Variants in THAP10 observed in about 807,000 individuals in gnomAD.
The protein encoded by THAP10 is THAP domain-containing protein 10.
Under a neutral mutation model 15.7 loss-of-function variants are expected in THAP10, and 10 were observed. The ratio of observed to expected loss-of-function variants is 0.64; its 90% confidence interval spans 0.39 to 1.08. The LOEUF (loss-of-function observed/expected upper bound fraction) is 1.08, where lower values mean the gene tolerates loss of function less well. Among genes scored for constraint, THAP10 ranks in the 50% least tolerant of loss-of-function variants. The probability of loss-of-function intolerance (pLI) is 0.01; values close to 1 mark genes in which losing one functional copy is unlikely to be tolerated. For missense variants in THAP10, 310 were observed against 330.9 expected, an observed-to-expected ratio of 0.94 and a Z score of 0.49; for synonymous variants, 127 against 129.1, an observed-to-expected ratio of 0.98 and a Z score of 0.11.
chr15:70,892,251 C>A lies in THAP10; in HGVS notation c.22G>T (p.Ala8Ser), dbSNP rs760840980. The A allele has an allele frequency of 2.5e-6, 4 of 1,579,112 alleles. No homozygotes were observed. Among genetic ancestry groups the A allele is most frequent in the Admixed American group, 1.8e-5 (1 of 55,134 alleles). Residue 8 changes from alanine to serine, a missense_variant, in exon 1 of 3, where the codon GCC becomes TCC. Physicochemically the swap from Ala to Ser is moderately conservative, Grantham distance 99. Coordinates refer to ENST00000249861, the MANE Select transcript of THAP10 (RefSeq NM_020147.4). MPARCVA[A>S]HCGNTTKSGK... ...GACTTGGTGGTGTTGCCGCAGTGGG[C>A]GGCCACACAACGGGCCGGCATGGCG... is the stretch of plus-strand genomic sequence containing the variant.
chr15:70,892,188 C>T lies in THAP10; in HGVS notation c.85G>A (p.Val29Met), dbSNP rs749140806. Residue 29 changes from valine to methionine, a missense_variant, in exon 1 of 3, where the codon GTG becomes ATG. Physicochemically the swap from Val to Met is conservative, Grantham distance 21 (BLOSUM62 1). Coordinates refer to ENST00000249861, the MANE Select transcript of THAP10 (RefSeq NM_020147.4). The part of the protein sequence containing the change: ...SLFRFPKDRA[V>M]RLLWDRFVRG... The stretch of plus-strand genomic sequence containing the variant: ...ACGAAGCGGTCCCAGAGCAGCCGCA[C>T]GGCCCGGTCCTTGGGAAAGCGGAAC... 5.6e-6 allele frequency: 9 copies of T among 1,608,842 alleles called. No homozygotes were observed. In the East Asian group the frequency reaches 1.6e-4, roughly 28 times the overall value.
At position 70,892,051 on chromosome 15, in the gene THAP10, G is replaced by A. The variant is rs754422457; in HGVS notation, c.222C>T (p.Arg74=). 3.1e-6 allele frequency: 5 copies of A among 1,613,644 alleles called. No individual in the cohort carries two copies. The highest frequency in any genetic ancestry group is 2.2e-5 in the East Asian group (1 of 44,886). The part of the protein sequence containing the change: ...DVSSVIQKNL[R]FSQRLRLVAG... ...CCACCAGCCTCAGGCGCTGGGAGAAGCGCAGGTTCTTCTGGATAACCGAAG... is the reference window on the plus strand; with the variant it reads ...CCACCAGCCTCAGGCGCTGGGAGAAACGCAGGTTCTTCTGGATAACCGAAG... The change falls in exon 1 of 3, where the codon CGC becomes CGT. Residue 74 remains arginine, a synonymous_variant. Coordinates refer to ENST00000249861, the MANE Select transcript of THAP10 (RefSeq NM_020147.4).
intron 1 of THAP10, among the ~76,000 whole-genome samples, chr15:70,884,404 C>T (rs371937791): frequency 6.6e-6 from 1 of 152,032 alleles, no homozygotes; most frequent in East Asian, 1.9e-4. Context: ...GGTGGTACAT[C>T]AGCTATTCGG....
chr15:70,889,331 C>A (rs544995577), intron 1 of THAP10, among the ~76,000 whole-genome samples: 1 of 151,922 alleles, frequency 6.6e-6, no homozygotes, highest in Admixed American at 6.5e-5. Context: ...CAGAAAATGG[C>A]TACAGTATGA....
intron 1 of THAP10, among the ~76,000 whole-genome samples, chr15:70,884,194 T>G (rs2033342657): frequency 6.6e-6 from 1 of 152,090 alleles, no homozygotes; most frequent in Non-Finnish European, 1.5e-5. Context: ...AAAAAATATT[T>G]TAGTAGGTGT....
At chr15:70,884,845 A>T (rs1013702462) in intron 1 of THAP10, among the ~76,000 whole-genome samples, 6 of 152,204 alleles carry the variant, frequency 3.9e-5, no homozygotes, top group Non-Finnish European at 8.8e-5. Context: ...ACAGAGAAGC[A>T]AAAAGAAGCT....
In THAP10 at chr15:70,891,928, G is replaced by A. The variant is rs746983679; in HGVS notation, c.345C>T (p.Leu115=). The A allele has an allele frequency of 6.2e-7, 1 of 1,613,798 alleles. No individual in the cohort carries two copies. The highest frequency in any genetic ancestry group is 1.1e-5 in the South Asian group (1 of 91,010). Residue 115 remains leucine, a synonymous_variant, in exon 1 of 3, where the codon CTC becomes CTT. Coordinates refer to ENST00000249861, the MANE Select transcript of THAP10 (RefSeq NM_020147.4). ...CAGCCTCAGAATGCCTGGCTGCCTG[G>A]AGCTCTCCTCGCGTGTCCAGGCGGC... ...QAGRLDTRGE[L]QAARHSEAAP... is the part of the protein sequence containing the mutation.
At chr15:70,889,097 C>T (rs1353349006) in intron 1 of THAP10, among the ~76,000 whole-genome samples, 1 of 152,118 alleles carries the variant, frequency 6.6e-6, no homozygotes, top group East Asian at 1.9e-4. Flanking sequence ...TATATATCCT[C>T]AGAAATGTGT....
rs1357173890 is a variant in THAP10, at chr15:70,882,205, TA to T, written c.*248del. ...TTGCTGATATTGTGGTTTTGCTTTG[TA>T]ACCTGATTTCTACCAAAAGGATTAA... On this transcript the variant is annotated 3_prime_UTR_variant, in exon 3 of 3. Coordinates refer to ENST00000249861, the MANE Select transcript of THAP10 (RefSeq NM_020147.4). The T allele has an allele frequency of 2.4e-5, 9 of 369,030 alleles. No individual in the cohort carries two copies. Among genetic ancestry groups the T allele is most frequent in the Non-Finnish European group, 3.9e-5 (8 of 206,780 alleles). 22.9% of individuals were successfully genotyped at this position (369,030 alleles called of 1,614,324 possible). A position where few individuals can be genotyped will look rare whatever the true frequency, so the allele number is the denominator to read the frequency against.
At chr15:70,884,550 A>G (rs1206191093) in intron 1 of THAP10, among the ~76,000 whole-genome samples, 5 of 152,130 alleles carry the variant, frequency 3.3e-5, no homozygotes, top group Non-Finnish European at 7.4e-5. Flanking sequence ...ACAGAAAAAA[A>G]AAAAAGAAAG....
chr15:70,886,832 C>G (rs112633788), intron 1 of THAP10, among the ~76,000 whole-genome samples: 9 of 151,866 alleles, frequency 5.9e-5, no homozygotes, highest in African/African-American at 2.2e-4. Flanking sequence ...CGCCACTGCA[C>G]TCCAGCCTGT....
At chr15:70,888,359 C>T (rs764074740) in intron 1 of THAP10, among the ~76,000 whole-genome samples, 2 of 152,074 alleles carry the variant, frequency 1.3e-5, no homozygotes, top group Non-Finnish European at 2.9e-5. Flanking sequence ...GGAAACAGAC[C>T]TATGCATATA....
chr15:70,891,053 CTAAG>C (rs1429995986), intron 1 of THAP10, among the ~76,000 whole-genome samples: 1 of 151,860 alleles, frequency 6.6e-6, no homozygotes, highest in East Asian at 1.9e-4. Context: ...GCAACCGGAC[CTAAG>C]TAAGGATTAC....
At chr15:70,885,809 A>G (rs2141087485) in intron 1 of THAP10, among the ~76,000 whole-genome samples, 1 of 152,346 alleles carries the variant, frequency 6.6e-6, no homozygotes, top group African/African-American at 2.4e-5. Context: ...ATTAAGATAA[A>G]AATTCCAAAA....
At chr15:70,891,267 G>A (rs2033553354) in intron 1 of THAP10, among the ~76,000 whole-genome samples, 1 of 152,156 alleles carries the variant, frequency 6.6e-6, no homozygotes, top group South Asian at 2.1e-4. Flanking sequence ...GCAAGATGGG[G>A]AAAGTCAGCT....
chr15:70,883,538 A>T (rs1345192821), intron 1 of THAP10, among the ~76,000 whole-genome samples: 1 of 152,098 alleles, frequency 6.6e-6, no homozygotes, highest in East Asian at 1.9e-4. Context: ...CTTAGCAGTC[A>T]TATTATTCTA....
intron 1 of THAP10, among the ~76,000 whole-genome samples, chr15:70,887,018 A>G (rs998611788): frequency 1.5e-4 from 23 of 152,230 alleles, no homozygotes; most frequent in African/African-American, 5.5e-4. Flanking sequence ...TAGATGGAAC[A>G]GACAAATTAA....
rs757113628 is a variant in THAP10 at position 70,892,267 on chromosome 15, C to T, written c.6G>A (p.Pro2=). M[P]ARCVAAHCGN... is the part of the protein sequence containing the mutation. ...CGCAGTGGGCGGCCACACAACGGGCCGGCATGGCGGCCGTCTTCGGTGCGC... is the reference window on the plus strand; with the variant it reads ...CGCAGTGGGCGGCCACACAACGGGCTGGCATGGCGGCCGTCTTCGGTGCGC... The change falls in exon 1 of 3, where the codon CCG becomes CCA. Residue 2 remains proline (P), a synonymous_variant. Transcript: ENST00000249861. 8 of 1,565,638 alleles carry T rather than the reference C, an allele frequency of 5.1e-6. No individual in the cohort carries two copies. The highest frequency in any genetic ancestry group is 2.3e-5 in the South Asian group (2 of 85,722).
intron 1 of THAP10, 69 bp from the exon 2 acceptor site, chr15:70,882,977 CAA>C: frequency 6.5e-7 from 1 of 1,538,488 alleles, no homozygotes; most frequent in Non-Finnish European, 8.9e-7. Flanking sequence ...TCAAAAGTTA[CAA>C]GTAGTAAGAC....
Sources: allele counts gnomAD v4.1 joint callset (sites outside exome capture counted in the v4.1 genomes callset), GRCh38; gene constraint gnomAD v4.1.1; transcripts MANE v1.5; gene names NCBI Gene and HGNC (gene_info 2026-07-23, HGNC 2026-07-21).